The following MDFIC2 variants were observed in gnomAD, a reference collection of about 807,000 sequenced individuals.
The protein encoded by MDFIC2 is MyoD family inhibitor domain containing 2.
intron 2 of MDFIC2, among the ~76,000 whole-genome samples, chr3:70,287,666 T>C (rs1435120070): frequency 4.0e-5 from 6 of 151,878 alleles, no homozygotes; most frequent in Non-Finnish European, 4.4e-5. Context: ...TGGTAGAATT[T>C]GGCTGTGAAT....
At chr3:70,250,762 A>C (rs1290694190) in intron 2 of MDFIC2, among the ~76,000 whole-genome samples, 1 of 152,188 alleles carries the variant, frequency 6.6e-6, no homozygotes, top group African/African-American at 2.4e-5. Context: ...GGGACTAAGA[A>C]AATATTGTGT....
chr3:70,211,864 C>CTCCCT (rs1701353875), intron 2 of MDFIC2, among the ~76,000 whole-genome samples: 1 of 136,628 alleles, frequency 7.3e-6, no homozygotes, highest in South Asian at 2.4e-4. Flanking sequence ...GCTTTTCTTT[C>CTCCCT]TCCCTTCCCT....
chr3:70,201,279 T>C (rs1430548623), intron 3 of MDFIC2, among the ~76,000 whole-genome samples: 1 of 152,144 alleles, frequency 6.6e-6, no homozygotes, highest in African/African-American at 2.4e-5. Flanking sequence ...CTCCCACTTA[T>C]GGGTGAGAAC....
chr3:70,305,310 C>T (rs998851515), intron 2 of MDFIC2, among the ~76,000 whole-genome samples: 3 of 151,946 alleles, frequency 2.0e-5, no homozygotes, highest in Non-Finnish European at 2.9e-5. Context: ...TATTAGGTAA[C>T]GCACTTTCAT....
chr3:70,248,268 A>G, intron 2 of MDFIC2, among the ~76,000 whole-genome samples: 1 of 152,144 alleles, frequency 6.6e-6, no homozygotes, highest in Non-Finnish European at 1.5e-5. Flanking sequence ...GTAGAATATT[A>G]TCAACTTTCT....
chr3:70,274,861 A>G (rs1039301928), intron 2 of MDFIC2, among the ~76,000 whole-genome samples: 2 of 152,186 alleles, frequency 1.3e-5, no homozygotes, highest in African/African-American at 4.8e-5. Context: ...TAAAACCCAA[A>G]TGTCCTACTA....
intron 2 of MDFIC2, among the ~76,000 whole-genome samples, chr3:70,308,642 A>T (rs1702425633): frequency 6.6e-6 from 1 of 152,140 alleles, no homozygotes. Flanking sequence ...TGAATGAATA[A>T]TAAGGTCCTT....
chr3:70,210,299 A>G (rs1183014784), intron 2 of MDFIC2, among the ~76,000 whole-genome samples: 29 of 152,162 alleles, frequency 1.9e-4, no homozygotes, highest in Non-Finnish European at 1.5e-5. Flanking sequence ...ACTGCCATTC[A>G]TAAAGTTATT....
chr3:70,302,400 A>G (rs1702358054), intron 2 of MDFIC2, among the ~76,000 whole-genome samples: 1 of 152,128 alleles, frequency 6.6e-6, no homozygotes, highest in African/African-American at 2.4e-5. Context: ...TGTAGAATTT[A>G]CTAGAAATGG....
At chr3:70,220,069 T>A (rs6804800) in intron 2 of MDFIC2, among the ~76,000 whole-genome samples, 13 of 152,012 alleles carry the variant, frequency 8.6e-5, no homozygotes, top group Non-Finnish European at 1.9e-4. Context: ...CAAGGAAAAC[T>A]AGATCAAATG....
intron 2 of MDFIC2, among the ~76,000 whole-genome samples, chr3:70,304,990 T>C (rs1482793799): frequency 6.6e-6 from 1 of 152,156 alleles, no homozygotes; most frequent in African/African-American, 2.4e-5. Context: ...AATGGAATGC[T>C]TTTCCCAGAT....
Position 70,224,942 on chromosome 3 carries a change from T to C in MDFIC2, c.89-18152A>G, listed in dbSNP as rs191223340. On this transcript the variant is annotated intron_variant, in intron 2 of 3. Transcript: ENST00000567252. The stretch of plus-strand genomic sequence containing the variant: ...GCAAAGTGTGGTGAAACAGATTCAT[T>C]AGTTTTGACTAAATACAAGGTTTTC... Among the ~76,000 whole-genome samples, 21 of 152,286 alleles carry C rather than the reference T, an allele frequency of 1.4e-4. No individual in the cohort carries two copies. In the East Asian group the frequency reaches 4.1e-3, roughly 29 times the overall value.
intron 2 of MDFIC2, among the ~76,000 whole-genome samples, chr3:70,216,043 A>G (rs1701408552): frequency 6.6e-6 from 1 of 152,122 alleles, no homozygotes; most frequent in Admixed American, 6.6e-5. Flanking sequence ...ATACAAATAA[A>G]TTAAAATCTA....
chr3:70,284,614 G>C (rs1351742792), intron 2 of MDFIC2, among the ~76,000 whole-genome samples: 2 of 152,156 alleles, frequency 1.3e-5, no homozygotes, highest in African/African-American at 2.4e-5. Flanking sequence ...AATGGAGCCA[G>C]AGGACATCTT....
intron 2 of MDFIC2, among the ~76,000 whole-genome samples, chr3:70,296,338 C>T (rs935337715): frequency 2.0e-4 from 31 of 152,028 alleles, no homozygotes; most frequent in Non-Finnish European, 1.3e-4. Flanking sequence ...GAGACTGAAA[C>T]AGACTCTTAA....
At chr3:70,299,673 C>T (rs1050282914) in intron 2 of MDFIC2, among the ~76,000 whole-genome samples, 1 of 152,046 alleles carries the variant, frequency 6.6e-6, no homozygotes, top group Non-Finnish European at 1.5e-5. Context: ...TTTGTGGATG[C>T]AACAAGCTTC....
At chr3:70,263,111 A>T (rs868107910) in intron 2 of MDFIC2, among the ~76,000 whole-genome samples, 7 of 152,118 alleles carry the variant, frequency 4.6e-5, no homozygotes, top group Middle Eastern at 3.2e-3. Flanking sequence ...GGACAGATTT[A>T]TAATAGTTGT....
chr3:70,311,598 A>T (rs1317717922), intron 2 of MDFIC2, among the ~76,000 whole-genome samples: 1 of 152,214 alleles, frequency 6.6e-6, no homozygotes, highest in African/African-American at 2.4e-5. Flanking sequence ...CACTGCAAAG[A>T]CCTCACAGAT....
intron 2 of MDFIC2, chr3:70,272,359 C>G (rs1396304104): frequency 6.6e-6 from 1 of 152,200 alleles, no homozygotes; most frequent in African/African-American, 2.4e-5. Flanking sequence ...CCTAAGATTT[C>G]ATACACTATG....
Sources: gnomAD v4.1 joint callset for allele counts (sites outside exome capture counted in the v4.1 genomes callset) on GRCh38, gnomAD v4.1.1 for gene constraint, MANE v1.5 for transcripts, NCBI Gene and HGNC (gene_info 2026-07-23, HGNC 2026-07-21) for gene names.